CDH4: variants seen among roughly 807,000 people sequenced by gnomAD.
CDH4 encodes the protein cadherin-4.
CDH4 carries 33 observed loss-of-function variants against 86.0 expected under a neutral mutation model. The ratio of observed to expected loss-of-function variants is 0.38; its 90% confidence interval spans 0.29 to 0.51. The LOEUF (loss-of-function observed/expected upper bound fraction) is 0.51. CDH4 is among the 20% of genes least tolerant of loss of function. The pLI, the probability that CDH4 is intolerant of heterozygous loss-of-function variation, is 0.86. For synonymous variants in CDH4, 555 were observed against 549.4 expected (o/e 1.01, Z -0.14); for missense variants, 1,114 against 1,307.4 (o/e 0.85, Z 2.28).
intron 2 of CDH4, among the ~76,000 whole-genome samples, chr20:61,633,806 G>A (rs1378038662): frequency 6.6e-6 from 1 of 152,180 alleles, no homozygotes; most frequent in Non-Finnish European, 1.5e-5. Flanking sequence ...GCTCAGTGAT[G>A]TAGCCTGCAG....
intron 15 of CDH4, among the ~76,000 whole-genome samples, chr20:61,934,725 TCCCC>T (rs2055159047): frequency 2.6e-5 from 2 of 77,804 alleles, no homozygotes; most frequent in African/African-American, 9.6e-5. Context: ...TTGCCCCCCC[TCCCC>T]ACCCCACCCC....
chr20:61,615,496 G>C (rs574885389), intron 2 of CDH4, among the ~76,000 whole-genome samples: 1 of 152,164 alleles, frequency 6.6e-6, no homozygotes, highest in Admixed American at 6.5e-5. Context: ...GAGTGCCCAC[G>C]TGCAGCTTAT....
At chr20:61,594,659 G>A (rs1029532693) in intron 2 of CDH4, among the ~76,000 whole-genome samples, 2 of 152,136 alleles carry the variant, frequency 1.3e-5, no homozygotes, top group African/African-American at 4.8e-5. Flanking sequence ...GCTTGTGTGC[G>A]TGCTTCTAGC....
At chr20:61,485,726 T>C (rs1297379781) in intron 2 of CDH4, among the ~76,000 whole-genome samples, 1 of 152,222 alleles carries the variant, frequency 6.6e-6, no homozygotes, top group Non-Finnish European at 1.5e-5. Context: ...CCTGGCCAGG[T>C]ACCACTGCCC....
intron 2 of CDH4, among the ~76,000 whole-genome samples, chr20:61,554,056 C>T (rs868785270): frequency 6.2e-4 from 94 of 152,316 alleles, no homozygotes; most frequent in African/African-American, 2.1e-3. Context: ...AGGGCAGGGG[C>T]AGGTTCTCCC....
intron 2 of CDH4, among the ~76,000 whole-genome samples, chr20:61,437,824 T>C (rs994013563): frequency 6.6e-6 from 1 of 152,192 alleles, no homozygotes; most frequent in Non-Finnish European, 1.5e-5. Context: ...GAAAATTCCA[T>C]GGGGCCTCCA....
At chr20:61,793,289 C>A in intron 4 of CDH4, among the ~76,000 whole-genome samples, 1 of 151,916 alleles carries the variant, frequency 6.6e-6, no homozygotes, top group East Asian at 1.9e-4. Flanking sequence ...TTAATGGGAG[C>A]AATGTCACTC....
chr20:61,346,904 A>G (rs1388651045), intron 2 of CDH4, among the ~76,000 whole-genome samples: 1 of 151,950 alleles, frequency 6.6e-6, no homozygotes, highest in African/African-American at 2.4e-5. Context: ...GGTGCCCCCC[A>G]TCTGTCCCTC....
intron 6 of CDH4, among the ~76,000 whole-genome samples, chr20:61,869,738 A>G (rs1983715988): frequency 6.6e-6 from 1 of 152,088 alleles, no homozygotes; most frequent in Non-Finnish European, 1.5e-5. Flanking sequence ...CCTACATGAA[A>G]TCACACAGCA....
intron 2 of CDH4, among the ~76,000 whole-genome samples, chr20:61,337,427 A>C (rs1459876173): frequency 6.6e-6 from 1 of 151,520 alleles, no homozygotes; most frequent in East Asian, 2.0e-4. Context: ...GCTGCTGCTG[A>C]TGATGCTGAT....
At chr20:61,355,446 C>T (rs996729995) in intron 2 of CDH4, among the ~76,000 whole-genome samples, 6 of 152,246 alleles carry the variant, frequency 3.9e-5, no homozygotes, top group East Asian at 3.9e-4. Flanking sequence ...GTCTTCCTCT[C>T]GTGGAAATTT....
chr20:61,556,749 C>A (rs1019795196), intron 2 of CDH4, among the ~76,000 whole-genome samples: 1 of 152,176 alleles, frequency 6.6e-6, no homozygotes, highest in South Asian at 2.1e-4. Context: ...TGGTGCCCCC[C>A]ACCTTGGTGC....
chr20:61,923,983 T>C (rs2122975213), intron 10 of CDH4, among the ~76,000 whole-genome samples: 1 of 152,322 alleles, frequency 6.6e-6, no homozygotes, highest in Middle Eastern at 3.4e-3. Flanking sequence ...CTCTCATAGC[T>C]ATAAGACTCA....
At chr20:61,504,435 G>T (rs1351566805) in intron 2 of CDH4, among the ~76,000 whole-genome samples, 1 of 152,146 alleles carries the variant, frequency 6.6e-6, no homozygotes, top group Non-Finnish European at 1.5e-5. Flanking sequence ...ATAGAGGTGG[G>T]GTGTTTGTGG....
Position 61,347,276 on chromosome 20 carries a change from C to T in CDH4, c.169+92339C>T, listed in dbSNP as rs118068888. 3.2e-3 allele frequency among the ~76,000 whole-genome samples: 489 copies of T among 152,340 alleles called. 4 individuals are homozygous for T. The highest frequency in any genetic ancestry group is 9.7e-3 in the South Asian group (47 of 4,828). ...TGCCTGGCTAAATGCTTGCTCCACA[C>T]ATTTTACTAGTGGCGGCTGAGTCTG... On this transcript the variant is annotated intron_variant, in intron 2 of 15. Transcript: ENST00000614565.
At position 61,816,839 on chromosome 20, in the gene CDH4, G is replaced by A. The variant is rs757467245; in HGVS notation, c.577-27829G>A. On this transcript the variant is annotated intron_variant, in intron 4 of 15. Coordinates refer to ENST00000614565, the MANE Select transcript of CDH4 (RefSeq NM_001794.5). ...CCCATCAGCAGGCAGCCCTGAGCTC[G>A]CCCGCATCCCCATCCCCCTGCCCGG... 1.1e-4 allele frequency among the ~76,000 whole-genome samples: 17 copies of A among 152,216 alleles called. 1 individual carries two copies. The South Asian group carries it at 1.2e-3, about 11-fold the overall frequency.
intron 2 of CDH4, among the ~76,000 whole-genome samples, chr20:61,357,979 C>T (rs1175875742): frequency 1.3e-5 from 2 of 152,242 alleles, no homozygotes; most frequent in South Asian, 2.1e-4. Context: ...GCGGGGAGAA[C>T]GATGGCGTTT....
At chr20:61,411,401 A>G (rs990453731) in intron 2 of CDH4, among the ~76,000 whole-genome samples, 6 of 150,640 alleles carry the variant, frequency 4.0e-5, no homozygotes, top group African/African-American at 1.5e-4. Context: ...AGCCGCATTC[A>G]TTGATGTAAA....
intron 3 of CDH4, among the ~76,000 whole-genome samples, chr20:61,755,341 CCACACACATAGTGCATGCCACACACACCA>C (rs1201829606): frequency 6.8e-6 from 1 of 147,390 alleles, no homozygotes; most frequent in African/African-American, 2.5e-5. Flanking sequence ...CCTTGTAACA[CCACACACATAGTGCATGCCACACACACCA>C]CACACACACA....
Sources: gnomAD v4.1 joint callset for allele counts (sites outside exome capture counted in the v4.1 genomes callset) on GRCh38, gnomAD v4.1.1 for gene constraint, MANE v1.5 for transcripts, NCBI Gene and HGNC (gene_info 2026-07-23, HGNC 2026-07-21) for gene names.